AFF1: variants seen among roughly 807,000 people sequenced by gnomAD.
AFF1 encodes the protein AF4/FMR2 family member 1.
A neutral mutation model predicts 121.7 loss-of-function variants in AFF1; 48 were observed. That is an observed-to-expected ratio of 0.39 (90% CI 0.31 to 0.50). The LOEUF is 0.50. Ranked by LOEUF, AFF1 falls within the 20% of genes least tolerant of loss-of-function variation. AFF1 has a pLI of 0.76. For missense variants in AFF1, 1,523 were observed against 1,511.7 expected (o/e 1.01, Z -0.12); for synonymous variants, 613 against 563.0 (o/e 1.09, Z -1.26).
At chr4:87,007,108 G>A (rs939990727) in intron 2 of AFF1, 7 of 1,266,330 alleles carry the variant, frequency 5.5e-6, no homozygotes, top group Non-Finnish European at 7.0e-6. Context: ...ACTGCGCCGG[G>A]GGCGCTCGCT....
At chr4:87,129,108 A>G (rs1728570950) in intron 16 of AFF1, among the ~76,000 whole-genome samples, 1 of 152,220 alleles carries the variant, frequency 6.6e-6, no homozygotes, top group Non-Finnish European at 1.5e-5. Flanking sequence ...CCAGTGTGCC[A>G]GGACAGTCCT....
chr4:86,944,787 T>C lies in AFF1; in HGVS notation c.-36-3711T>C, dbSNP rs116440487. 3.6e-3 allele frequency among the ~76,000 whole-genome samples: 548 copies of C among 152,366 alleles called. 2 individuals are homozygous for C. The highest frequency in any genetic ancestry group is 0.012 in the African/African-American group (514 of 41,584). On this transcript the variant is annotated intron_variant, in intron 1 of 20. Transcript: ENST00000395146. ...ATTTGAAAACATCTTGAGTCACTTT[T>C]TATATTCATCTTCTCCCTTTTTTTC...
chr4:87,042,349 T>C (rs1047451355), intron 2 of AFF1, among the ~76,000 whole-genome samples: 1 of 152,162 alleles, frequency 6.6e-6, no homozygotes, highest in Admixed American at 6.5e-5. Context: ...CAAAACAATT[T>C]AGTTGCAAGG....
At chr4:87,115,743 G>A (rs1350530826) in intron 12 of AFF1, among the ~76,000 whole-genome samples, 1 of 150,580 alleles carries the variant, frequency 6.6e-6, no homozygotes, top group East Asian at 2.0e-4. Context: ...TGAGTAGCTG[G>A]GACCACAGGT....
chr4:86,953,639 T>G (rs1721534559), intron 2 of AFF1, among the ~76,000 whole-genome samples: 1 of 152,234 alleles, frequency 6.6e-6, no homozygotes, highest in South Asian at 2.1e-4. Flanking sequence ...TTTTTAATAG[T>G]TCTTTCTAAA....
intron 1 of AFF1, among the ~76,000 whole-genome samples, chr4:86,938,543 T>C (rs1720219858): frequency 6.6e-6 from 1 of 152,136 alleles, no homozygotes; most frequent in South Asian, 2.1e-4. Flanking sequence ...AATAATAAAT[T>C]CAACAATGGT....
At chr4:87,095,666 T>G (rs1405820811) in intron 8 of AFF1, among the ~76,000 whole-genome samples, 1 of 152,228 alleles carries the variant, frequency 6.6e-6, no homozygotes, top group Non-Finnish European at 1.5e-5. Context: ...AGAGCTAATC[T>G]TATTGCCCAG....
At chr4:87,087,787 A>T (rs555349342) in intron 5 of AFF1, among the ~76,000 whole-genome samples, 20 of 152,402 alleles carry the variant, frequency 1.3e-4, no homozygotes, top group African/African-American at 4.6e-4. Context: ...ACTAAAAGTC[A>T]TAGATACCAT....
At chr4:87,007,373 A>G (rs761914611) in intron 2 of AFF1, 1 of 1,613,596 alleles carries the variant, frequency 6.2e-7, no homozygotes, top group Non-Finnish European at 8.5e-7. Context: ...GAAGGCGCTC[A>G]TGGACGGAAG....
chr4:86,993,942 GAGAC>G (rs34987641), intron 2 of AFF1, among the ~76,000 whole-genome samples: 9,720 of 152,204 alleles, frequency 0.064, 427 homozygotes, highest in Non-Finnish European at 0.091. Context: ...TCCAGCCTGG[GAGAC>G]AGAGCGAGAC....
intron 16 of AFF1, among the ~76,000 whole-genome samples, chr4:87,128,746 T>G (rs1728538001): frequency 6.6e-6 from 1 of 152,226 alleles, no homozygotes; most frequent in African/African-American, 2.4e-5. Flanking sequence ...TTCCTTACCA[T>G]GCTCAATTCT....
At chr4:87,065,612 G>T (rs886976099) in intron 4 of AFF1, among the ~76,000 whole-genome samples, 13 of 152,078 alleles carry the variant, frequency 8.5e-5, no homozygotes, top group Admixed American at 2.0e-4. Context: ...AATGACCGAA[G>T]TTTGGGAAAA....
chr4:87,017,106 T>G (rs1292882900), intron 2 of AFF1, among the ~76,000 whole-genome samples: 61 of 148,682 alleles, frequency 4.1e-4, no homozygotes, highest in Middle Eastern at 3.5e-3. Flanking sequence ...TATGTGTTTT[T>G]TTTTTTTTTT....
intron 11 of AFF1, among the ~76,000 whole-genome samples, chr4:87,113,351 G>A (rs976334695): frequency 3.3e-5 from 5 of 151,788 alleles, no homozygotes; most frequent in Admixed American, 1.3e-4. Context: ...ATGGCTCACC[G>A]CAGCCTCAAA....
intron 2 of AFF1, among the ~76,000 whole-genome samples, chr4:86,975,699 T>G (rs1451845322): frequency 6.6e-6 from 1 of 152,206 alleles, no homozygotes; most frequent in Admixed American, 6.5e-5. Flanking sequence ...ATATAAACAC[T>G]TAATACTACC....
chr4:87,130,125 A>G (rs1379563817), intron 16 of AFF1, among the ~76,000 whole-genome samples: 1 of 150,542 alleles, frequency 6.6e-6, no homozygotes, highest in Non-Finnish European at 1.5e-5. Context: ...CAGGCCTGCT[A>G]CCACACCTGG....
intron 4 of AFF1, among the ~76,000 whole-genome samples, chr4:87,071,006 A>G (rs1213109933): frequency 2.6e-5 from 4 of 152,196 alleles, no homozygotes; most frequent in Middle Eastern, 3.2e-3. Context: ...AGCAGTGAGA[A>G]AGGAAGAAGA....
chr4:87,105,541 A>T, intron 8 of AFF1, 87 bp from the exon 9 acceptor site: 2 of 1,437,122 alleles, frequency 1.4e-6, no homozygotes, highest in Non-Finnish European at 2.0e-6. Flanking sequence ...CTCTTTGTTT[A>T]ATTAGGCATA....
chr4:87,025,063 C>G (rs959813797), intron 2 of AFF1, among the ~76,000 whole-genome samples: 1 of 152,204 alleles, frequency 6.6e-6, no homozygotes, highest in African/African-American at 2.4e-5. Context: ...GTTCTCTTAT[C>G]CTGCTCCATA....
Sources: allele counts gnomAD v4.1 joint callset (sites outside exome capture counted in the v4.1 genomes callset), GRCh38; gene constraint gnomAD v4.1.1; transcripts MANE v1.5; gene names NCBI Gene and HGNC (gene_info 2026-07-23, HGNC 2026-07-21).